Variants in DHPS observed in about 807,000 individuals in gnomAD.
The protein encoded by DHPS is deoxyhypusine synthase.
In DHPS, 24 loss-of-function variants were observed where a neutral mutation model predicts 38.7. That is an observed-to-expected ratio of 0.62 (90% CI 0.45 to 0.87). The LOEUF is 0.87. Among genes scored for constraint, DHPS ranks in the 40% least tolerant of loss-of-function variants. DHPS has a pLI of 0.00. For synonymous variants in DHPS, 250 were observed against 204.4 expected (o/e 1.22, Z -1.90); for missense variants, 510 against 497.6 (o/e 1.02, Z -0.24).
chr19:12,678,802 CTT>C (rs745590908), intron 5 of DHPS, among the ~76,000 whole-genome samples: 6 of 106,928 alleles, frequency 5.6e-5, no homozygotes, highest in Non-Finnish European at 9.7e-5. Context: ...GACTATGTAG[CTT>C]TTTTTTTTTT....
In DHPS at chr19:12,679,658, T is replaced by C. The variant is rs757180440; in HGVS notation, c.556A>G (p.Ile186Val). The C allele has an allele frequency of 1.2e-6, 2 of 1,614,184 alleles. No individual in the cohort carries two copies. Among genetic ancestry groups the C allele is most frequent in the South Asian group, 2.2e-5 (2 of 91,086 alleles). ...TGCTCCATCACCATCTGGTCCAGAA[T>C]GGGCATCAGCCAGTCCTCAAACTTG... ...YCKFEDWLMPILDQMVMEQNT... is the reference protein window; with the variant it reads ...YCKFEDWLMPVLDQMVMEQNT... The change falls in exon 4 of 9, where the codon ATT becomes GTT. Residue 186 changes from isoleucine to valine, a missense_variant. By Grantham distance (29) the Ile-to-Val change is conservative. Transcript: ENST00000210060.
At chr19:12,677,418 A>G (rs1216181594) in intron 5 of DHPS, 22 bp from the exon 6 acceptor site, 1 of 1,603,720 alleles carries the variant, frequency 6.2e-7, no homozygotes, top group Non-Finnish European at 8.5e-7. Flanking sequence ...ATGACAGGAC[A>G]GTGGCTGGAG....
At chr19:12,679,771 C>G in intron 3 of DHPS, 30 bp downstream of exon 3, 1 of 1,614,110 alleles carries the variant, frequency 6.2e-7, no homozygotes, top group Admixed American at 1.7e-5. Flanking sequence ...TGGTCCAGCT[C>G]CCCTGCCCAA....
chr19:12,673,906 G>C (rs2024493500), downstream of DHPS, among the ~76,000 whole-genome samples: 1 of 152,048 alleles, frequency 6.6e-6, no homozygotes, highest in South Asian at 2.1e-4. Context: ...CACCATGTTG[G>C]CCAGGCTGGT....
At chr19:12,679,320 C>A in intron 5 of DHPS, 137 bp downstream of exon 5, 1 of 852,318 alleles carries the variant, frequency 1.2e-6, no homozygotes, top group South Asian at 1.6e-5. Flanking sequence ...AATTACCACG[C>A]CTATCTGTGT....
chr19:12,674,924 G>A (rs993827826), downstream of DHPS, among the ~76,000 whole-genome samples: 1 of 151,054 alleles, frequency 6.6e-6, no homozygotes, highest in Non-Finnish European at 1.5e-5. Flanking sequence ...GATCATCCTG[G>A]CCAACATGGT....
chr19:12,677,183 G>A lies in DHPS; in HGVS notation c.813C>T (p.Ile271=), dbSNP rs550355399. 4 of 1,614,254 alleles carry A rather than the reference G, an allele frequency of 2.5e-6. No individual in the cohort carries two copies. The East Asian group carries it at 8.9e-5, about 36-fold the overall frequency. The change falls in exon 7 of 9, where the codon ATC becomes ATT. Residue 271 remains isoleucine, a synonymous_variant. Coordinates refer to ENST00000210060, the MANE Select transcript of DHPS (RefSeq NM_001930.4). ...TGATCATCCCAGTGCACTTGGCAAA[G>A]ATGGCCTGTGTGTTGATGAGCCTCA... ...EDLRLINTQA[I]FAKCTGMIIL...
chr19:12,677,196 T>A lies in DHPS; in HGVS notation c.800A>T (p.Asn267Ile). Reference sequence around the variant, plus strand: ...GCACTTGGCAAAGATGGCCTGTGTGTTGATGAGCCTCAGGTCTGGGGGAAG... The same window carrying A: ...GCACTTGGCAAAGATGGCCTGTGTGATGATGAGCCTCAGGTCTGGGGGAAG... ...LDIVEDLRLI[N>I]TQAIFAKCTG... Residue 267 changes from asparagine to isoleucine, a missense_variant, in exon 7 of 9, where the codon AAC (asparagine) becomes ATC (isoleucine). Coordinates refer to ENST00000210060, the MANE Select transcript of DHPS (RefSeq NM_001930.4). 6.2e-7 allele frequency: 1 copy of A among 1,614,234 alleles called. No individual in the cohort carries two copies. Among genetic ancestry groups the A allele is most frequent in the South Asian group, 1.1e-5 (1 of 91,088 alleles).
At chr19:12,681,072 TC>T in intron 1 of DHPS, 1 of 1,197,820 alleles carries the variant, frequency 8.3e-7, no homozygotes, top group Non-Finnish European at 1.1e-6. Context: ...CTTCTCTTGA[TC>T]CACCCGCCTC....
intron 5 of DHPS, 112 bp from the exon 6 acceptor site, chr19:12,677,508 C>G (rs922090415): frequency 4.9e-6 from 4 of 816,278 alleles, no homozygotes; most frequent in Non-Finnish European, 7.9e-6. Flanking sequence ...ACTGTTTCCT[C>G]AATTATAAGC....
At chr19:12,672,817 G>A (rs373928974), downstream of DHPS, 7 of 1,558,788 alleles carry the variant, frequency 4.5e-6, no homozygotes, top group Non-Finnish European at 6.1e-6. Context: ...GTGTAGTCAA[G>A]GTTCCCGCTG....
rs766305398 is a variant in DHPS at position 12,679,895 on chromosome 19, C to T, written c.400G>A (p.Gly134Ser). ...CACTTGATGAGGTCTTCCTCCACGC[C>T]GCCAGCTGTGGTCACCAATACGTCC... ...MVDVLVTTAG[G>S]VEEDLIKCLA... The change falls in exon 3 of 9, where the codon GGC becomes AGC. Residue 134 changes from glycine to serine, a missense_variant. Physicochemically the swap from Gly to Ser is moderately conservative, Grantham distance 56 (BLOSUM62 0). Transcript: ENST00000210060. 48 of 1,613,844 alleles carry T rather than the reference C, an allele frequency of 3.0e-5. No homozygotes were observed. The highest frequency in any genetic ancestry group is 3.8e-5 in the Non-Finnish European group (45 of 1,179,940).
chr19:12,677,177 G>T lies in DHPS; in HGVS notation c.819C>A (p.Ala273=). 6.2e-7 allele frequency: 1 copy of T among 1,614,260 alleles called. No individual in the cohort carries two copies. Among genetic ancestry groups the T allele is most frequent in the Non-Finnish European group, 8.5e-7 (1 of 1,180,058 alleles). Residue 273 remains alanine, a synonymous_variant, in exon 7 of 9, where the codon GCC becomes GCA. Coordinates refer to ENST00000210060, the MANE Select transcript of DHPS (RefSeq NM_001930.4). ...LRLINTQAIF[A]KCTGMIILGG... is the part of the protein sequence containing the mutation. ...CCAGAATGATCATCCCAGTGCACTT[G>T]GCAAAGATGGCCTGTGTGTTGATGA...
At chr19:12,672,609 A>G, downstream of DHPS, 1 of 549,546 alleles carries the variant, frequency 1.8e-6, no homozygotes. Context: ...ACTCTGTCTC[A>G]AACAAAAGGA....
At chr19:12,672,536 A>G (rs1288305335), downstream of DHPS, 1 of 366,740 alleles carries the variant, frequency 2.7e-6, no homozygotes, top group Admixed American at 3.9e-5. Context: ...TGAACCCGGG[A>G]GGCAGAGGTT....
At chr19:12,673,181 C>A, downstream of DHPS, 1 of 1,613,860 alleles carries the variant, frequency 6.2e-7, no homozygotes, top group Admixed American at 1.7e-5. Context: ...GACCAAGCCC[C>A]CCGATCCTGT....
downstream of DHPS, chr19:12,675,558 T>A (rs1334758360): frequency 6.2e-7 from 1 of 1,606,254 alleles, no homozygotes; most frequent in Non-Finnish European, 8.5e-7. Flanking sequence ...TGGGTTCCGG[T>A]GTGGTGCAGT....
At chr19:12,672,605 T>C (rs114270748), downstream of DHPS, 7,217 of 543,278 alleles carry the variant, frequency 0.013, 417 homozygotes, top group African/African-American at 0.12. Context: ...CAAAACTCTG[T>C]CTCAAACAAA....
chr19:12,676,825 C>T, intron 7 of DHPS: 1 of 467,930 alleles, frequency 2.1e-6, no homozygotes, highest in Non-Finnish European at 4.0e-6. Context: ...CTGGGAGATG[C>T]CTCCCCAAAC....
Sources: allele counts gnomAD v4.1 joint callset (sites outside exome capture counted in the v4.1 genomes callset), GRCh38; gene constraint gnomAD v4.1.1; transcripts MANE v1.5; gene names NCBI Gene and HGNC (gene_info 2026-07-23, HGNC 2026-07-21).